The following FILIP1 variants were observed in gnomAD, a reference collection of about 807,000 sequenced individuals.
The protein encoded by FILIP1 is filamin A interacting protein 1.
A neutral mutation model predicts 102.1 loss-of-function variants in FILIP1; 61 were observed. The observed-to-expected ratio is 0.60, with a 90% CI of 0.49 to 0.74. FILIP1 has a LOEUF of 0.74. Ranked by LOEUF, FILIP1 falls within the 30% of genes least tolerant of loss-of-function variation. FILIP1 has a pLI of 0.00. For synonymous variants in FILIP1, 491 were observed against 526.9 expected (o/e 0.93, Z 0.93); for missense variants, 1,314 against 1,441.2 (o/e 0.91, Z 1.43).
chr6:75,340,655 GT>G (rs1774388879), intron 4 of FILIP1, among the ~76,000 whole-genome samples: 3 of 151,896 alleles, frequency 2.0e-5, no homozygotes, highest in East Asian at 1.9e-4. Flanking sequence ...GTTTCTGCTT[GT>G]TTTTGGTTTC....
chr6:75,364,759 G>A (rs985398521), intron 2 of FILIP1, among the ~76,000 whole-genome samples: 39 of 152,198 alleles, frequency 2.6e-4, no homozygotes, highest in African/African-American at 8.9e-4. Context: ...AATAGATTAT[G>A]AGACATAGCA....
At chr6:75,342,432 T>C (rs1774444893) in intron 4 of FILIP1, among the ~76,000 whole-genome samples, 1 of 152,230 alleles carries the variant, frequency 6.6e-6, no homozygotes, top group Non-Finnish European at 1.5e-5. Flanking sequence ...AATACAATGA[T>C]CTTCATTTTT....
chr6:75,386,365 T>C (rs1776096141), intron 2 of FILIP1: 2 of 152,224 alleles, frequency 1.3e-5, no homozygotes, highest in African/African-American at 2.4e-5. Flanking sequence ...AATAATATTA[T>C]GGGAATATCC....
chr6:75,487,199 C>T (rs1779812073), intron 1 of FILIP1, among the ~76,000 whole-genome samples: 1 of 152,074 alleles, frequency 6.6e-6, no homozygotes, highest in South Asian at 2.1e-4. Context: ...CTTTGAATAC[C>T]TCCAGTGTCA....
At chr6:75,312,360 C>T in intron 5 of FILIP1, 37 bp downstream of exon 5, 2 of 1,581,934 alleles carry the variant, frequency 1.3e-6, no homozygotes, top group Non-Finnish European at 1.7e-6. Context: ...GTCTCCCTCC[C>T]TCTGCAGGCC....
At chr6:75,330,225 G>T (rs1350653581) in intron 4 of FILIP1, among the ~76,000 whole-genome samples, 5 of 152,116 alleles carry the variant, frequency 3.3e-5, no homozygotes, top group African/African-American at 1.2e-4. Flanking sequence ...TGCACCCAAG[G>T]TGAGAGCCTC....
chr6:75,332,860 T>C (rs974126997), intron 4 of FILIP1, among the ~76,000 whole-genome samples: 2 of 152,158 alleles, frequency 1.3e-5, no homozygotes, highest in African/African-American at 4.8e-5. Context: ...GTCAAAGAAG[T>C]TGGAGACAAT....
chr6:75,475,711 A>C (rs1240626739), intron 1 of FILIP1, among the ~76,000 whole-genome samples: 1 of 152,166 alleles, frequency 6.6e-6, no homozygotes, highest in African/African-American at 2.4e-5. Context: ...AAAAACCTAC[A>C]TAGCTGAGGT....
chr6:75,360,608 A>G (rs1775144544), intron 3 of FILIP1: 1 of 152,224 alleles, frequency 6.6e-6, no homozygotes, highest in Non-Finnish European at 1.5e-5. Context: ...GATATTCCAG[A>G]CTTTAATTTA....
intron 2 of FILIP1, among the ~76,000 whole-genome samples, chr6:75,373,730 T>A (rs1775654508): frequency 6.6e-6 from 1 of 151,206 alleles, no homozygotes; most frequent in Non-Finnish European, 1.5e-5. Context: ...AATTTCAACC[T>A]GGGCGCAGTG....
chr6:75,412,037 C>T (rs1777089015), intron 2 of FILIP1, among the ~76,000 whole-genome samples: 1 of 151,514 alleles, frequency 6.6e-6, no homozygotes, highest in African/African-American at 2.4e-5. Flanking sequence ...ATTGATTCTT[C>T]CTATCCATGA....
intron 6 of FILIP1, among the ~76,000 whole-genome samples, chr6:75,299,998 T>C (rs1417983093): frequency 2.6e-5 from 4 of 152,080 alleles, no homozygotes; most frequent in Admixed American, 1.3e-4. Context: ...TTCTGTTTCC[T>C]CCCAGGAGGT....
intron 2 of FILIP1, among the ~76,000 whole-genome samples, chr6:75,405,035 A>G (rs1035856520): frequency 6.6e-6 from 1 of 152,112 alleles, no homozygotes; most frequent in Non-Finnish European, 1.5e-5. Flanking sequence ...TCCAAATAAC[A>G]TCTATACTGG....
chr6:75,312,833 G>C lies in FILIP1; in HGVS notation c.2999C>G (p.Ala1000Gly). 6.2e-7 allele frequency: 1 copy of C among 1,614,174 alleles called. No homozygotes were observed. The highest frequency in any genetic ancestry group is 8.5e-7 in the Non-Finnish European group (1 of 1,180,040). ...CTGAATAGGGGATGTGGGCCTGTCTGCAAATGCGCCTCTTCCACTTTCTGG... is the reference window on the plus strand; with the variant it reads ...CTGAATAGGGGATGTGGGCCTGTCTCCAAATGCGCCTCTTCCACTTTCTGG... ...KTPESGRGAF[A>G]DRPTSPIQIM... The change falls in exon 5 of 6, where the codon GCA (alanine) becomes GGA (glycine). Residue 1000 changes from alanine (A) to glycine (G), a missense_variant. Physicochemically the swap from Ala to Gly is moderately conservative, Grantham distance 60. Transcript: ENST00000237172.
intron 1 of FILIP1, among the ~76,000 whole-genome samples, chr6:75,450,158 G>C (rs1778577463): frequency 6.6e-6 from 1 of 151,990 alleles, no homozygotes; most frequent in Non-Finnish European, 1.5e-5. Flanking sequence ...AGTGGCCCGG[G>C]CGGGTGGAGG....
chr6:75,362,271 C>G (rs931067714), intron 3 of FILIP1, among the ~76,000 whole-genome samples: 1 of 152,142 alleles, frequency 6.6e-6, no homozygotes, highest in Non-Finnish European at 1.5e-5. Context: ...AATTTTGCCT[C>G]TATCACTGTA....
At chr6:75,479,456 A>G (rs1432549150) in intron 1 of FILIP1, among the ~76,000 whole-genome samples, 1 of 152,186 alleles carries the variant, frequency 6.6e-6, no homozygotes, top group Non-Finnish European at 1.5e-5. Flanking sequence ...GAAATAATAC[A>G]TCTTCTTTTA....
At chr6:75,458,720 A>T (rs775762750) in intron 1 of FILIP1, 3 of 152,202 alleles carry the variant, frequency 2.0e-5, no homozygotes, top group Non-Finnish European at 2.9e-5. Context: ...GAAGCAAGGG[A>T]AGAGTGAAAA....
chr6:75,374,607 T>C (rs1775692482), intron 2 of FILIP1, among the ~76,000 whole-genome samples: 1 of 152,168 alleles, frequency 6.6e-6, no homozygotes, highest in South Asian at 2.1e-4. Flanking sequence ...CTCGAACTCC[T>C]GACCTCAGGT....
Sources: allele counts gnomAD v4.1 joint callset (sites outside exome capture counted in the v4.1 genomes callset), GRCh38; gene constraint gnomAD v4.1.1; transcripts MANE v1.5; gene names NCBI Gene and HGNC (gene_info 2026-07-23, HGNC 2026-07-21).